Variants in NCOR1 observed in about 807,000 individuals in gnomAD.
NCOR1 encodes the protein protein phosphatase 1, regulatory subunit 109.
NCOR1 carries 63 observed loss-of-function variants against 288.1 expected under a neutral mutation model. The observed-to-expected ratio is 0.22, with a 90% confidence interval of 0.18 to 0.27. NCOR1 has a LOEUF of 0.27. NCOR1 is among the 10% of genes least tolerant of loss of function. The pLI is 1.00. For synonymous variants in NCOR1, 1,007 were observed against 1,065.9 expected (o/e 0.94, Z 1.08); for missense variants, 2,397 against 3,019.2 (o/e 0.79, Z 4.83).
At chr17:16,129,766 G>A (rs2075312726) in intron 14 of NCOR1, among the ~76,000 whole-genome samples, 1 of 152,230 alleles carries the variant, frequency 6.6e-6, no homozygotes, top group Non-Finnish European at 1.5e-5. Flanking sequence ...ATGGCCTAAA[G>A]ATACGACGGG....
intron 14 of NCOR1, among the ~76,000 whole-genome samples, chr17:16,132,420 C>T (rs892904105): frequency 1.3e-5 from 2 of 152,152 alleles, no homozygotes; most frequent in Admixed American, 6.5e-5. Context: ...CAAACTATTA[C>T]GTAGGGCATA....
At chr17:16,180,765 C>G (rs2085239272) in intron 3 of NCOR1, among the ~76,000 whole-genome samples, 1 of 151,892 alleles carries the variant, frequency 6.6e-6, no homozygotes, top group African/African-American at 2.4e-5. Flanking sequence ...AAGAATAAAA[C>G]AACAACCAGA....
chr17:16,110,212 T>G (rs556858232), intron 18 of NCOR1, among the ~76,000 whole-genome samples: 54 of 152,106 alleles, frequency 3.6e-4, no homozygotes, highest in African/African-American at 1.3e-3. Context: ...AAAAATTAGC[T>G]CTGTGTGCTG....
chr17:16,109,336 A>T (rs903241986), intron 18 of NCOR1, among the ~76,000 whole-genome samples: 1 of 152,106 alleles, frequency 6.6e-6, no homozygotes, highest in Non-Finnish European at 1.5e-5. Context: ...CAACAGTAAG[A>T]GATCCTAAAT....
chr17:16,215,312 G>A, intron 1 of NCOR1, 50 bp downstream of exon 1: 2 of 390,726 alleles, frequency 5.1e-6, no homozygotes, highest in Non-Finnish European at 9.0e-6. Flanking sequence ...GAAGCCCCCG[G>A]ACTAGCAGGA....
In NCOR1 at chr17:16,057,181, T is replaced by C. The variant is rs567723376; in HGVS notation, c.6392+333A>G. 4.7e-4 allele frequency: 123 copies of C among 263,494 alleles called. 1 individual carries two copies. Among genetic ancestry groups the C allele is most frequent in the South Asian group, 3.7e-3 (82 of 21,876 alleles). 16.3% of individuals were successfully genotyped at this position (263,494 alleles called of 1,614,324 possible). A position where few individuals can be genotyped will look rare whatever the true frequency, so the allele number is the denominator to read the frequency against. On this transcript the variant is annotated intron_variant, in intron 40 of 45. Coordinates refer to ENST00000268712, the MANE Select transcript of NCOR1 (RefSeq NM_006311.4). ...ACTGATGCTGACCCAGTAGAAACCATTGAGACAGATAAATATGAGAGGTAT... is the reference window on the plus strand; with the variant it reads ...ACTGATGCTGACCCAGTAGAAACCACTGAGACAGATAAATATGAGAGGTAT...
chr17:16,214,464 T>C (rs752206312), intron 1 of NCOR1, among the ~76,000 whole-genome samples: 10 of 152,146 alleles, frequency 6.6e-5, no homozygotes, highest in Non-Finnish European at 1.0e-4. Context: ...TCAATATAAT[T>C]AGGATATAAT....
chr17:16,182,137 GAAC>G (rs1417635870), intron 3 of NCOR1, among the ~76,000 whole-genome samples: 5 of 152,018 alleles, frequency 3.3e-5, no homozygotes, highest in African/African-American at 1.2e-4. Flanking sequence ...CTGCTTAGAT[GAAC>G]AATATTCATA....
chr17:16,215,483 C>A lies in NCOR1; in HGVS notation c.-192G>T. The A allele has an allele frequency of 2.5e-6, 1 of 393,076 alleles. No homozygotes were observed. Among genetic ancestry groups the A allele is most frequent in the Non-Finnish European group, 4.5e-6 (1 of 222,630 alleles). The allele number at this position is 393,076 out of a possible 1,614,324, so 24.3% of individuals were successfully genotyped here. A position where few individuals can be genotyped will look rare whatever the true frequency, so the allele number is the denominator to read the frequency against. On this transcript the variant is annotated 5_prime_UTR_variant, in exon 1 of 46. Coordinates refer to ENST00000268712, the MANE Select transcript of NCOR1 (RefSeq NM_006311.4). ...CGGCGAGTCGGACGCTCACTCCAGCCGCCGCCGCCGCCGCGGCTGCTGCTT... is the reference window on the plus strand; with the variant it reads ...CGGCGAGTCGGACGCTCACTCCAGCAGCCGCCGCCGCCGCGGCTGCTGCTT...
In NCOR1 at chr17:16,064,131, G is replaced by A. The variant is rs1026715051; in HGVS notation, c.5158C>T (p.Arg1720Trp). Residue 1720 changes from arginine to tryptophan, a missense_variant, in exon 35 of 46, where the codon CGG (arginine) becomes TGG (tryptophan). Arg to Trp is a moderately radical substitution (Grantham distance 101). This residue lies in a region of NCOR1 where 1,872 missense variants were observed against 2,187.8 expected (regional missense o/e 0.86). Coordinates refer to ENST00000268712, the MANE Select transcript of NCOR1 (RefSeq NM_006311.4). ...CGTTCCCGCTCCCGCTCCTTCTCCC[G>A]CTCCCGTTCCCGTTCCCTCTCAGCA... is the stretch of plus-strand genomic sequence containing the variant. ...ASAERERERE[R>W]EKERERERIA... The A allele has an allele frequency of 1.4e-5, 22 of 1,613,806 alleles. No homozygotes were observed. The highest frequency in any genetic ancestry group is 3.3e-4 in the Middle Eastern group (2 of 6,082).
chr17:16,079,827 T>C (rs2063123386), intron 26 of NCOR1, 137 bp downstream of exon 26: 1 of 614,432 alleles, frequency 1.6e-6, no homozygotes, highest in South Asian at 2.3e-5. Flanking sequence ...GGAGACAGTT[T>C]GCAGATCTAG....
chr17:16,034,637 T>C lies in NCOR1; in HGVS notation c.7135+128A>G, dbSNP rs1680711285. 2.6e-5 allele frequency: 22 copies of C among 849,858 alleles called. No individual in the cohort carries two copies. The South Asian group carries it at 3.8e-4, about 15-fold the overall frequency. 52.6% of individuals were successfully genotyped at this position (849,858 alleles called of 1,614,324 possible). ...TACTTCTATTCGGGAAAGTGGAACA[T>C]ATTAATGATACAGAAATGGGAATAT... is the stretch of plus-strand genomic sequence containing the variant. On this transcript the variant is annotated intron_variant, in intron 45 of 45. Transcript: ENST00000268712.
At chr17:16,126,693 G>A (rs531416590) in intron 14 of NCOR1, among the ~76,000 whole-genome samples, 88 of 152,196 alleles carry the variant, frequency 5.8e-4, no homozygotes, top group African/African-American at 1.9e-3. Flanking sequence ...AGCTATGGTC[G>A]TTACTAAGAC....
intron 37 of NCOR1, among the ~76,000 whole-genome samples, chr17:16,061,109 G>A (rs572844490): frequency 8.5e-5 from 13 of 152,140 alleles, no homozygotes; most frequent in Admixed American, 7.9e-4. Flanking sequence ...AGAGCCTGGC[G>A]ATATATCCAT....
rs1250537614 is a variant in NCOR1 at position 16,098,426 on chromosome 17, T to C, written c.2761A>G (p.Lys921Glu). ...TGSILVSSPL[K>E]PNPLDLPQLQ... ...TGTGGCAGATCCAGTGGATTTGGTTTTAACGGAGATGAGACGAGTATAGAT... is the reference window on the plus strand; with the variant it reads ...TGTGGCAGATCCAGTGGATTTGGTTCTAACGGAGATGAGACGAGTATAGAT... Residue 921 changes from lysine (K) to glutamate (E), a missense_variant, in exon 21 of 46, where the codon AAA becomes GAA. Physicochemically the swap from Lys to Glu is moderately conservative, Grantham distance 56 (BLOSUM62 1). This residue lies in a region of NCOR1 where 1,872 missense variants were observed against 2,187.8 expected (regional missense o/e 0.86). Coordinates refer to ENST00000268712, the MANE Select transcript of NCOR1 (RefSeq NM_006311.4). 2 of 1,614,142 alleles carry C rather than the reference T, an allele frequency of 1.2e-6. No homozygotes were observed.
At chr17:16,042,575 A>G (rs757588787) in intron 42 of NCOR1, among the ~76,000 whole-genome samples, 9 of 152,224 alleles carry the variant, frequency 5.9e-5, no homozygotes, top group Non-Finnish European at 1.0e-4. Flanking sequence ...TAAGCAATCC[A>G]GGTGACTGGT....
Position 16,086,418 on chromosome 17 carries a change from A to T in NCOR1, c.3041T>A (p.Val1014Glu). Residue 1014 changes from valine to glutamate, a missense_variant, in exon 23 of 46, where the codon GTG (valine) becomes GAG (glutamate). By Grantham distance (121) the Val-to-Glu change is moderately radical (BLOSUM62 -2). Transcript: ENST00000268712. ...WEVLQPAPHQVITNLPEGVRL... is the reference protein window; with the variant it reads ...WEVLQPAPHQEITNLPEGVRL... ...AACGCCTTCAGGGAGATTAGTTATC[A>T]CTTGATGTGGAGCAGGCTGAAGGAC... is the stretch of plus-strand genomic sequence containing the variant. 6.2e-7 allele frequency: 1 copy of T among 1,614,082 alleles called. No homozygotes were observed. Among genetic ancestry groups the T allele is most frequent in the Non-Finnish European group, 8.5e-7 (1 of 1,179,962 alleles).
chr17:16,171,217 T>C (rs2153463714), intron 4 of NCOR1, among the ~76,000 whole-genome samples: 1 of 152,270 alleles, frequency 6.6e-6, no homozygotes, highest in Non-Finnish European at 1.5e-5. Flanking sequence ...ACCATAAATA[T>C]ACACAATTTT....
Position 16,071,565 on chromosome 17 carries a change from A to G in NCOR1, c.3996T>C (p.Ile1332=). 6.2e-7 allele frequency: 1 copy of G among 1,614,116 alleles called. No individual in the cohort carries two copies. The highest frequency in any genetic ancestry group is 8.5e-7 in the Non-Finnish European group (1 of 1,180,006). The change falls in exon 30 of 46, where the codon ATT becomes ATC. Residue 1332 remains isoleucine (I), a synonymous_variant. Transcript: ENST00000268712. ...TGCCATCATATGGTTTTCCTTTGGTAATGGCACCTTCAAATGCTCGTATGG... is the reference window on the plus strand; with the variant it reads ...TGCCATCATATGGTTTTCCTTTGGTGATGGCACCTTCAAATGCTCGTATGG... The part of the protein sequence containing the change: ...SPPIRAFEGA[I]TKGKPYDGIT...
Sources: allele counts gnomAD v4.1 joint callset (sites outside exome capture counted in the v4.1 genomes callset), GRCh38; gene constraint gnomAD v4.1.1; regional missense constraint gnomAD v4.1.1; transcripts MANE v1.5; gene names NCBI Gene and HGNC (gene_info 2026-07-23, HGNC 2026-07-21).